Variants in KIDINS220 observed in about 807,000 individuals in gnomAD.
The protein encoded by KIDINS220 is kinase D interacting substrate 220.
Under a neutral mutation model 157.6 loss-of-function variants are expected in KIDINS220, and 63 were observed. The ratio of observed to expected loss-of-function variants is 0.40; its 90% CI spans 0.33 to 0.49. The LOEUF is 0.49. KIDINS220 is among the 20% of genes least tolerant of loss of function. The pLI, the probability that KIDINS220 is intolerant of heterozygous loss-of-function variation, is 0.66. For missense variants in KIDINS220, 1,772 were observed against 2,171.2 expected (o/e 0.82, Z 3.65); for synonymous variants, 732 against 783.6 (o/e 0.93, Z 1.10).
At chr2:8,725,221 A>C (rs1663203389), downstream of KIDINS220, 1 of 152,240 alleles carries the variant, frequency 6.6e-6, no homozygotes, top group South Asian at 2.1e-4. Context: ...TGCAGTCTAT[A>C]AATTCTCACA....
chr2:8,759,582 G>A (rs1305836372), intron 22 of KIDINS220, among the ~76,000 whole-genome samples: 2 of 148,416 alleles, frequency 1.3e-5, no homozygotes, highest in East Asian at 3.9e-4. Context: ...CAACTAGATG[G>A]ATGAAAAAAC....
In KIDINS220 at chr2:8,733,494, T is replaced by A; in HGVS notation, c.4003A>T (p.Thr1335Ser). 1 of 1,614,136 alleles carries A rather than the reference T, an allele frequency of 6.2e-7. No individual in the cohort carries two copies. The highest frequency in any genetic ancestry group is 8.5e-7 in the Non-Finnish European group (1 of 1,180,014). ...TLNFSFEELN[T>S]LGLDEGAPRH... The stretch of plus-strand genomic sequence containing the variant: ...GGGGCACCTTCATCCAGGCCAAGCG[T>A]GTTCAGCTCTTCGAAGCTGAAGTTG... The change falls in exon 29 of 30, where the codon ACG becomes TCG. Residue 1335 changes from threonine to serine, a missense_variant. Thr to Ser is a moderately conservative substitution (Grantham distance 58). This residue lies in a region of KIDINS220 where 793 missense variants were observed against 885.5 expected (regional missense o/e 0.90). Transcript: ENST00000256707.
At chr2:8,769,650 C>T (rs1016104750) in intron 22 of KIDINS220, among the ~76,000 whole-genome samples, 6 of 152,064 alleles carry the variant, frequency 3.9e-5, no homozygotes, top group South Asian at 2.1e-4. Flanking sequence ...GCTTAGCAAA[C>T]GTTCATAATT....
rs567747680 is a variant in KIDINS220, at chr2:8,732,047, C to T, written c.4054-65G>A. The T allele has an allele frequency of 3.6e-5, 51 of 1,404,460 alleles. No individual in the cohort carries two copies. The East Asian group carries it at 4.1e-4, about 11-fold the overall frequency. The allele number at this position is 1,404,460 out of a possible 1,614,324, so 87.0% of individuals were successfully genotyped here. A position where few individuals can be genotyped will look rare whatever the true frequency, so the allele number is the denominator to read the frequency against. ...AGAAGAAAAAAGGCATAAACATCAG[C>T]TTAGGAAATATATATGTACACTAAC... On this transcript the variant is annotated intron_variant, in intron 29 of 29. Transcript: ENST00000256707.
chr2:8,824,644 C>A (rs1678476558), intron 2 of KIDINS220, among the ~76,000 whole-genome samples: 1 of 152,184 alleles, frequency 6.6e-6, no homozygotes, highest in South Asian at 2.1e-4. Flanking sequence ...TCTGCCACTG[C>A]ACTCCAGGCT....
chr2:8,766,921 A>C (rs1669565192), intron 22 of KIDINS220, among the ~76,000 whole-genome samples: 1 of 152,256 alleles, frequency 6.6e-6, no homozygotes, highest in Non-Finnish European at 1.5e-5. Context: ...ATGGATAAAA[A>C]TAATGCAAAG....
Position 8,774,255 on chromosome 2 carries a change from C to A in KIDINS220, c.2848+2493G>T, listed in dbSNP as rs556240856. On this transcript the variant is annotated intron_variant, in intron 21 of 29. Coordinates refer to ENST00000256707, the MANE Select transcript of KIDINS220 (RefSeq NM_020738.4). Reference sequence around the variant, plus strand: ...AGGTTGCAGTGAGCCGAGATCATGCCACTGCACTCCAGCCTGGGAGACAGG... The same window carrying A: ...AGGTTGCAGTGAGCCGAGATCATGCAACTGCACTCCAGCCTGGGAGACAGG... Among the ~76,000 whole-genome samples the A allele has an allele frequency of 4.0e-4, 59 of 148,528 alleles. No individual in the cohort carries two copies. In the Middle Eastern group the frequency reaches 0.01, roughly 26 times the overall value.
At chr2:8,798,158 T>G in intron 10 of KIDINS220, 44 bp downstream of exon 10, 3 of 1,143,252 alleles carry the variant, frequency 2.6e-6, no homozygotes, top group Non-Finnish European at 4.0e-6. Context: ...AGTACTAACA[T>G]TCAGCATAAG....
chr2:8,775,434 C>T (rs1325995691), intron 21 of KIDINS220, among the ~76,000 whole-genome samples: 1 of 152,062 alleles, frequency 6.6e-6, no homozygotes, highest in African/African-American at 2.4e-5. Context: ...ACCACCAGCG[C>T]AAAAGGAGGA....
intron 26 of KIDINS220, among the ~76,000 whole-genome samples, chr2:8,739,614 T>C (rs761947095): frequency 2.0e-5 from 3 of 152,156 alleles, no homozygotes; most frequent in Non-Finnish European, 4.4e-5. Context: ...ATTCAGTAGG[T>C]AAATTCTTAC....
chr2:8,805,018 T>G (rs995539885), intron 7 of KIDINS220, among the ~76,000 whole-genome samples: 1 of 152,198 alleles, frequency 6.6e-6, no homozygotes, highest in African/African-American at 2.4e-5. Flanking sequence ...TGGCTTTGAT[T>G]GATTTGCTAG....
chr2:8,790,520 T>C (rs1361809533), intron 13 of KIDINS220, among the ~76,000 whole-genome samples: 2 of 152,210 alleles, frequency 1.3e-5, no homozygotes, highest in East Asian at 3.8e-4. Context: ...AATACTGTTC[T>C]TAAAGGTGCA....
chr2:8,827,773 T>A (rs2148439263), intron 1 of KIDINS220, among the ~76,000 whole-genome samples: 1 of 152,302 alleles, frequency 6.6e-6, no homozygotes, highest in East Asian at 1.9e-4. Context: ...GATACATGTA[T>A]CAAAACATCA....
chr2:8,766,145 C>T (rs1669454654), intron 22 of KIDINS220, among the ~76,000 whole-genome samples: 1 of 152,118 alleles, frequency 6.6e-6, no homozygotes, highest in African/African-American at 2.4e-5. Flanking sequence ...TACCATGGTC[C>T]TCCAAAAGGG....
At chr2:8,728,509 C>T (rs1210361589), downstream of KIDINS220, among the ~76,000 whole-genome samples, 1 of 152,188 alleles carries the variant, frequency 6.6e-6, no homozygotes, top group Non-Finnish European at 1.5e-5. Flanking sequence ...CACACATAGA[C>T]GCACAGGTTC....
At chr2:8,787,373 A>G (rs962347674) in intron 15 of KIDINS220, among the ~76,000 whole-genome samples, 1 of 146,796 alleles carries the variant, frequency 6.8e-6, no homozygotes, top group African/African-American at 2.5e-5. Context: ...TCATCTTTTA[A>G]TGCTTTTTTT....
At chr2:8,786,426 T>C in intron 15 of KIDINS220, 69 bp from the exon 16 acceptor site, 2 of 1,200,526 alleles carry the variant, frequency 1.7e-6, no homozygotes, top group South Asian at 1.3e-5. Context: ...ATGTATGTCA[T>C]CTTTGCATCA....
chr2:8,777,034 A>G (rs2148197501), intron 20 of KIDINS220, 142 bp from the exon 21 acceptor site: 1 of 808,380 alleles, frequency 1.2e-6, no homozygotes, highest in South Asian at 2.0e-5. Context: ...GTAATAAATT[A>G]TTATCTGTGA....
At chr2:8,807,444 G>A (rs1264045612) in intron 6 of KIDINS220, among the ~76,000 whole-genome samples, 1 of 152,206 alleles carries the variant, frequency 6.6e-6, no homozygotes, top group Non-Finnish European at 1.5e-5. Context: ...CTATAATTCT[G>A]TGCTGTGAGA....
Sources: allele counts gnomAD v4.1 joint callset (sites outside exome capture counted in the v4.1 genomes callset), GRCh38; gene constraint gnomAD v4.1.1; regional missense constraint gnomAD v4.1.1; transcripts MANE v1.5; gene names NCBI Gene and HGNC (gene_info 2026-07-23, HGNC 2026-07-21).